Variants in NALF1 observed in about 807,000 individuals in gnomAD.
NALF1 encodes the protein family with sequence similarity 155 member A.
A neutral mutation model predicts 48.4 loss-of-function variants in NALF1; 3 were observed. That is an observed-to-expected ratio of 0.06 (90% CI 0.03 to 0.16). The LOEUF (loss-of-function observed/expected upper bound fraction) is 0.16. Among genes scored for constraint, NALF1 ranks in the 10% least tolerant of loss-of-function variants. The pLI, the probability that NALF1 is intolerant of heterozygous loss-of-function variation, is 1.00. For missense variants in NALF1, 526 were observed against 571.5 expected, an observed-to-expected ratio of 0.92 and a Z score of 0.81; for synonymous variants, 262 against 245.7, an observed-to-expected ratio of 1.07 and a Z score of -0.62.
At chr13:107,496,601 G>A (rs1224670990) in intron 1 of NALF1, among the ~76,000 whole-genome samples, 1 of 152,176 alleles carries the variant, frequency 6.6e-6, no homozygotes, top group Non-Finnish European at 1.5e-5. Flanking sequence ...GCTACAGGCA[G>A]TCCCCAGAAG....
intron 1 of NALF1, among the ~76,000 whole-genome samples, chr13:107,526,022 A>G (rs1876423344): frequency 6.6e-6 from 1 of 152,042 alleles, no homozygotes; most frequent in Admixed American, 6.6e-5. Context: ...AAGTGATTTT[A>G]TAATATTATA....
intron 1 of NALF1, among the ~76,000 whole-genome samples, chr13:107,264,977 T>C (rs1348805418): frequency 1.3e-5 from 2 of 152,236 alleles, no homozygotes; most frequent in East Asian, 1.9e-4. Flanking sequence ...TTTGTATCAC[T>C]GTAGGAGAGA....
chr13:107,863,297 G>A (rs956473049), intron 1 of NALF1, among the ~76,000 whole-genome samples: 5 of 152,082 alleles, frequency 3.3e-5, no homozygotes, highest in African/African-American at 1.2e-4. Context: ...TAGTTTATAT[G>A]TGAATGTGTT....
chr13:107,431,422 A>T (rs1884380225), intron 1 of NALF1, among the ~76,000 whole-genome samples: 1 of 152,112 alleles, frequency 6.6e-6, no homozygotes, highest in Non-Finnish European at 1.5e-5. Context: ...CAAACACACA[A>T]TCTCAATTTG....
At chr13:107,228,576 A>G (rs900932572) in intron 1 of NALF1, among the ~76,000 whole-genome samples, 1 of 152,154 alleles carries the variant, frequency 6.6e-6, no homozygotes, top group African/African-American at 2.4e-5. Context: ...TATTGATATT[A>G]TTATTCGAAA....
chr13:107,543,260 T>C (rs1877041154), intron 1 of NALF1, among the ~76,000 whole-genome samples: 1 of 152,056 alleles, frequency 6.6e-6, no homozygotes, highest in Admixed American at 6.6e-5. Context: ...CATGGAAACT[T>C]AAAACTAATG....
At chr13:107,644,191 A>T (rs1880242503) in intron 1 of NALF1, among the ~76,000 whole-genome samples, 1 of 152,110 alleles carries the variant, frequency 6.6e-6, no homozygotes, top group Non-Finnish European at 1.5e-5. Flanking sequence ...TACATGTAAC[A>T]TTTTAATACA....
intron 1 of NALF1, among the ~76,000 whole-genome samples, chr13:107,627,322 C>T (rs1034405556): frequency 6.6e-6 from 1 of 152,066 alleles, no homozygotes; most frequent in African/African-American, 2.4e-5. Context: ...TTCTATCATA[C>T]TAATTTATCA....
intron 1 of NALF1, among the ~76,000 whole-genome samples, chr13:107,524,389 T>G (rs1876357654): frequency 6.6e-6 from 1 of 152,090 alleles, no homozygotes; most frequent in Non-Finnish European, 1.5e-5. Flanking sequence ...TCATTAAAAT[T>G]AATGTAATTT....
chr13:107,622,200 G>A (rs527955603), intron 1 of NALF1, among the ~76,000 whole-genome samples: 3 of 151,832 alleles, frequency 2.0e-5, no homozygotes, highest in Admixed American at 6.6e-5. Flanking sequence ...AGGCCAAGGC[G>A]GGCAGATCAT....
chr13:107,660,255 T>C (rs1880691928), intron 1 of NALF1, among the ~76,000 whole-genome samples: 1 of 151,110 alleles, frequency 6.6e-6, no homozygotes, highest in African/African-American at 2.4e-5. Flanking sequence ...CTGGCCAAGA[T>C]GGTGAAACCC....
chr13:107,326,635 T>G (rs1451869975), intron 1 of NALF1, among the ~76,000 whole-genome samples: 1 of 152,202 alleles, frequency 6.6e-6, no homozygotes, highest in Non-Finnish European at 1.5e-5. Context: ...ATGGGCGTTG[T>G]ATTACTTTTC....
chr13:107,388,034 G>A (rs1883560382), intron 1 of NALF1, among the ~76,000 whole-genome samples: 1 of 152,294 alleles, frequency 6.6e-6, no homozygotes, highest in East Asian at 1.9e-4. Flanking sequence ...TTTGTAGAAT[G>A]TCAGTAGCAC....
At chr13:107,420,676 C>T (rs1884170437) in intron 1 of NALF1, among the ~76,000 whole-genome samples, 1 of 152,154 alleles carries the variant, frequency 6.6e-6, no homozygotes, top group Non-Finnish European at 1.5e-5. Context: ...AGCAATCATA[C>T]ATATACCCAT....
intron 1 of NALF1, among the ~76,000 whole-genome samples, chr13:107,488,907 A>T (rs1302446304): frequency 6.6e-6 from 1 of 152,212 alleles, no homozygotes; most frequent in Non-Finnish European, 1.5e-5. Context: ...TCTTAAGCTA[A>T]AAAACAATTT....
At chr13:107,187,738 A>T (rs1401914441) in intron 2 of NALF1, among the ~76,000 whole-genome samples, 4 of 152,118 alleles carry the variant, frequency 2.6e-5, no homozygotes, top group African/African-American at 9.7e-5. Context: ...CCCCAAACAA[A>T]TCCTGATCAC....
intron 1 of NALF1, among the ~76,000 whole-genome samples, chr13:107,520,351 A>G (rs925410431): frequency 3.9e-5 from 6 of 152,192 alleles, no homozygotes; most frequent in African/African-American, 1.4e-4. Flanking sequence ...AGCAACTTAC[A>G]TTCCTTCACT....
chr13:107,866,394 C>T lies in NALF1; in HGVS notation c.203G>A (p.Arg68Gln), dbSNP rs1880731995. Residue 68 changes from arginine to glutamine, a missense_variant, in exon 1 of 3, where the codon CGG (arginine) becomes CAG (glutamine). This residue lies in a region of NALF1 where 373 missense variants were observed against 355.5 expected (regional missense o/e 1.05). Transcript: ENST00000375915. The surrounding 1 kb of genome is among the most constrained non-coding windows in gnomAD (Gnocchi z 4.4). The part of the protein sequence containing the change: ...FCAEAKLTRA[R>Q]DKEHQQQQRQ... ...CTGCTGCTGCTGGTGCTCCTTGTCC[C>T]GGGCCCGGGTCAGCTTGGCCTCGGC... The T allele has an allele frequency of 6.2e-7, 1 of 1,613,762 alleles. No homozygotes were observed. The highest frequency in any genetic ancestry group is 8.5e-7 in the Non-Finnish European group (1 of 1,179,992).
At chr13:107,263,640 CT>C (rs1880980994) in intron 1 of NALF1, among the ~76,000 whole-genome samples, 1 of 152,158 alleles carries the variant, frequency 6.6e-6, no homozygotes, top group Non-Finnish European at 1.5e-5. Context: ...CTCATTCTCT[CT>C]TTGCCCGCCA....
Sources: gnomAD v4.1 joint callset for allele counts (sites outside exome capture counted in the v4.1 genomes callset) on GRCh38, gnomAD v4.1.1 for gene constraint, gnomAD v4.1.1 regional missense constraint, Gnocchi (gnomAD v3.1) non-coding constraint, MANE v1.5 for transcripts, NCBI Gene and HGNC (gene_info 2026-07-23, HGNC 2026-07-21) for gene names.